Variants in TLCD3B observed in about 807,000 individuals in gnomAD.
The protein encoded by TLCD3B is ceramide synthase.
In TLCD3B, 9 loss-of-function variants were observed where a neutral mutation model predicts 23.0. That is an observed-to-expected ratio of 0.39 (90% CI 0.24 to 0.68). The LOEUF (loss-of-function observed/expected upper bound fraction) is 0.68. Among genes scored for constraint, TLCD3B ranks in the 30% least tolerant of loss-of-function variants. The pLI is 0.44. For missense variants in TLCD3B, 307 were observed against 371.8 expected (o/e 0.83, Z 1.43); for synonymous variants, 161 against 161.0 (o/e 1.00, Z 0.00).
intron 3 of TLCD3B, chr16:30,036,329 A>C (rs549459734): frequency 7.8e-7 from 1 of 1,288,992 alleles, no homozygotes; most frequent in Non-Finnish European, 1.0e-6. Flanking sequence ...AGAAAACAAA[A>C]GAAATAACAG....
intron 2 of TLCD3B, among the ~76,000 whole-genome samples, chr16:30,045,294 T>TGTGTGTGGGGTGG (rs2071647596): frequency 9.6e-6 from 1 of 104,372 alleles, no homozygotes; most frequent in Non-Finnish European, 2.0e-5. Context: ...TGTGGTGGGG[T>TGTGTGTGGGGTGG]GTGTGTGGGG....
At chr16:30,040,575 A>G (rs1475991126) in intron 3 of TLCD3B, among the ~76,000 whole-genome samples, 1 of 152,006 alleles carries the variant, frequency 6.6e-6, no homozygotes, top group Non-Finnish European at 1.5e-5. Flanking sequence ...TGGGAGAGGG[A>G]AAAAGGGGAA....
intron 1 of TLCD3B, among the ~76,000 whole-genome samples, chr16:30,050,169 T>C (rs766640047): frequency 6.6e-6 from 1 of 152,140 alleles, no homozygotes; most frequent in African/African-American, 2.4e-5. Context: ...ATGCAGAATA[T>C]GTGTTCCTGG....
intron 2 of TLCD3B, among the ~76,000 whole-genome samples, chr16:30,042,187 C>T (rs1434565270): frequency 3.9e-5 from 6 of 152,058 alleles, no homozygotes; most frequent in Admixed American, 6.6e-5. Flanking sequence ...CATCATTGTC[C>T]TAATGCTCAT....
chr16:30,030,106 C>T (rs1056944315), intron 1 of TLCD3B: 34 of 1,413,280 alleles, frequency 2.4e-5, no homozygotes, highest in Middle Eastern at 1.9e-4. Context: ...TCCCTAATGT[C>T]TTATAGGAAT....
At chr16:30,028,984 C>T (rs1230426294) in intron 2 of TLCD3B, among the ~76,000 whole-genome samples, 1 of 152,188 alleles carries the variant, frequency 6.6e-6, no homozygotes, top group African/African-American at 2.4e-5. Context: ...TGGCCTTGTG[C>T]GTGTCATCTC....
chr16:30,051,866 G>A (rs2071761253), intron 1 of TLCD3B, among the ~76,000 whole-genome samples: 1 of 152,214 alleles, frequency 6.6e-6, no homozygotes, highest in Non-Finnish European at 1.5e-5. Context: ...GGGGAAGACA[G>A]AGGGTGTTCC....
chr16:30,034,410 CAAA>C (rs34825633), upstream of TLCD3B, among the ~76,000 whole-genome samples: 2 of 116,022 alleles, frequency 1.7e-5, no homozygotes, highest in Admixed American at 9.2e-5. Context: ...CTGTCTCTAC[CAAA>C]AAAAAAAAAA....
Position 30,044,784 on chromosome 16 carries a change from A to C in TLCD3B, c.-229+1539T>G, listed in dbSNP as rs547223310. ...CTGGAGGCTGGCTCTCTCCTTGTTC[A>C]AAAAAGAAAGATCAGGCCGGGCGCA... On this transcript the variant is annotated intron_variant, in intron 2 of 6. Transcript: ENST00000561666. Among the ~76,000 whole-genome samples, 8 of 152,280 alleles carry C rather than the reference A, an allele frequency of 5.3e-5. No homozygotes were observed. In the South Asian group the frequency reaches 1.7e-3, roughly 32 times the overall value.
chr16:30,026,275 A>G (rs1325171260), intron 3 of TLCD3B, among the ~76,000 whole-genome samples: 1 of 152,152 alleles, frequency 6.6e-6, no homozygotes, highest in East Asian at 1.9e-4. Context: ...GTGCAGGAGC[A>G]GGTGCATGAC....
intron 2 of TLCD3B, among the ~76,000 whole-genome samples, chr16:30,045,448 CATGTGTGGTGT>C (rs1214129397): frequency 2.8e-5 from 2 of 72,432 alleles, no homozygotes; most frequent in East Asian, 9.2e-4. Flanking sequence ...GTGTGTGGTG[CATGTGTGGTGT>C]GTGTGTATTT....
At chr16:30,037,666 G>T (rs1470401024) in intron 3 of TLCD3B, among the ~76,000 whole-genome samples, 1 of 152,066 alleles carries the variant, frequency 6.6e-6, no homozygotes, top group East Asian at 1.9e-4. Context: ...GATCCCAGGA[G>T]TTCAAGGCTG....
chr16:30,026,788 TGTC>T lies in TLCD3B; in HGVS notation c.262_264del (p.Asp88del). 1 of 1,614,060 alleles carries T rather than the reference TGTC, an allele frequency of 6.2e-7. No individual in the cohort carries two copies. Among genetic ancestry groups the T allele is most frequent in the Non-Finnish European group, 8.5e-7 (1 of 1,179,992 alleles). ...CAGTGACAGAGGAACATGGCGTAGA[TGTC>T]GTAGATGAAGTAGGGCACAGCAAAT... is the stretch of plus-strand genomic sequence containing the variant. On this transcript the variant is annotated inframe_deletion, in exon 3 of 5. Coordinates refer to ENST00000380495, the MANE Select transcript of TLCD3B (RefSeq NM_031478.6).
In TLCD3B at chr16:30,029,010, C is replaced by T. The variant is rs1186813244; in HGVS notation, c.209+422G>A. Among the ~76,000 whole-genome samples, 1 of 152,212 alleles carries T rather than the reference C, an allele frequency of 6.6e-6. No individual in the cohort carries two copies. Among genetic ancestry groups the T allele is most frequent in the Non-Finnish European group, 1.5e-5 (1 of 68,050 alleles). ...GTGTCATCTCTCCCTTGTCCTCTCC[C>T]TCAGGCATGGAGTGGATGCCGGATG... On this transcript the variant is annotated intron_variant, in intron 2 of 4. Coordinates refer to ENST00000380495, the MANE Select transcript of TLCD3B (RefSeq NM_031478.6). This position sits in a 1 kb window ranked among gnomAD's most constrained non-coding sequence, Gnocchi z 4.6.
intron 1 of TLCD3B, among the ~76,000 whole-genome samples, chr16:30,047,424 C>CA (rs1373248245): frequency 6.6e-6 from 1 of 152,106 alleles, no homozygotes; most frequent in Non-Finnish European, 1.5e-5. Context: ...CAGGTTCAAG[C>CA]AATTCTCCTG....
chr16:30,038,826 T>C (rs2071522637), intron 3 of TLCD3B, among the ~76,000 whole-genome samples: 1 of 152,152 alleles, frequency 6.6e-6, no homozygotes, highest in Non-Finnish European at 1.5e-5. Flanking sequence ...TAGGGATTAT[T>C]ACTGCACCTC....
intron 3 of TLCD3B, among the ~76,000 whole-genome samples, chr16:30,039,299 T>C (rs1024071154): frequency 1.3e-5 from 2 of 151,960 alleles, no homozygotes; most frequent in Admixed American, 6.6e-5. Context: ...AATTTTGTAT[T>C]TTTAGTAGAT....
chr16:30,035,562 C>T, upstream of TLCD3B: 14 of 1,241,336 alleles, frequency 1.1e-5, no homozygotes, highest in Non-Finnish European at 1.4e-5. Context: ...GCCTTCTTCA[C>T]CCCCAATGAG....
chr16:30,044,859 G>C (rs1254075230), intron 2 of TLCD3B, among the ~76,000 whole-genome samples: 1 of 151,888 alleles, frequency 6.6e-6, no homozygotes, highest in Non-Finnish European at 1.5e-5. Flanking sequence ...GGGCGGCGGG[G>C]GGGTGCGGAT....
Sources: allele counts gnomAD v4.1 joint callset (sites outside exome capture counted in the v4.1 genomes callset), GRCh38; gene constraint gnomAD v4.1.1; non-coding constraint Gnocchi (gnomAD v3.1); transcripts MANE v1.5; gene names NCBI Gene and HGNC (gene_info 2026-07-23, HGNC 2026-07-21).